STPG2: variants seen among roughly 807,000 people sequenced by gnomAD.
STPG2 encodes sperm-tail PG-rich repeat-containing protein 2.
Under a neutral mutation model 54.2 loss-of-function variants are expected in STPG2, and 56 were observed. The observed-to-expected ratio is 1.03, with a 90% CI of 0.83 to 1.29. The LOEUF (loss-of-function observed/expected upper bound fraction) is 1.29, where lower values mean the gene tolerates loss of function less well. Ranked by LOEUF, STPG2 falls within the 50% of genes most tolerant of loss-of-function variation. The pLI is 0.00. For synonymous variants in STPG2, 200 were observed against 181.8 expected, an observed-to-expected ratio of 1.10 and a Z score of -0.81; for missense variants, 596 against 544.9, an observed-to-expected ratio of 1.09 and a Z score of -0.93.
intron 4 of STPG2, among the ~76,000 whole-genome samples, chr4:97,466,659 C>A (rs1251677441): frequency 2.0e-5 from 3 of 151,764 alleles, no homozygotes; most frequent in African/African-American, 7.3e-5. Context: ...TGAGTTTCTT[C>A]CATCGTTTAT....
intron 5 of STPG2, among the ~76,000 whole-genome samples, chr4:98,061,638 C>A (rs1737663230): frequency 6.6e-6 from 1 of 151,950 alleles, no homozygotes; most frequent in Admixed American, 6.6e-5. Flanking sequence ...GAGCAAAGTA[C>A]ATGAACAGAC....
chr4:97,934,410 G>A (rs1247027070), intron 8 of STPG2, among the ~76,000 whole-genome samples: 1 of 152,148 alleles, frequency 6.6e-6, no homozygotes, highest in Non-Finnish European at 1.5e-5. Context: ...GAAAAGGAGT[G>A]GTGAGAGAGG....
At chr4:97,833,908 TG>T (rs1728552863) in intron 9 of STPG2, among the ~76,000 whole-genome samples, 1 of 152,096 alleles carries the variant, frequency 6.6e-6, no homozygotes, top group African/African-American at 2.4e-5. Context: ...TTTACACTGT[TG>T]GGAGTGTAAA....
At chr4:97,945,751 G>A (rs6819047) in intron 7 of STPG2, among the ~76,000 whole-genome samples, 59,293 of 151,738 alleles carry the variant, frequency 0.39, 11,706 homozygotes, top group Middle Eastern at 0.46. Context: ...GTTTTTGTTC[G>A]TTACTTTTTA....
At chr4:97,949,759 T>A (rs1487776263) in intron 7 of STPG2, among the ~76,000 whole-genome samples, 5 of 152,226 alleles carry the variant, frequency 3.3e-5, no homozygotes, top group Non-Finnish European at 7.3e-5. Context: ...CTGCTGTTAG[T>A]CTGAAAGGTT....
At chr4:98,100,446 A>C (rs568978525) in intron 5 of STPG2, among the ~76,000 whole-genome samples, 6 of 152,230 alleles carry the variant, frequency 3.9e-5, no homozygotes, top group Admixed American at 1.3e-4. Flanking sequence ...GGAAATCTGA[A>C]ATCTTGAGAA....
At chr4:97,724,294 A>T (rs924397210) in intron 9 of STPG2, among the ~76,000 whole-genome samples, 3 of 152,164 alleles carry the variant, frequency 2.0e-5, no homozygotes, top group African/African-American at 7.2e-5. Context: ...CTGGAATCTT[A>T]AGTGGGGTTA....
At chr4:98,115,174 T>C (rs1274032541) in intron 3 of STPG2, among the ~76,000 whole-genome samples, 1 of 151,980 alleles carries the variant, frequency 6.6e-6, no homozygotes, top group Non-Finnish European at 1.5e-5. Context: ...CTTTCCCCCA[T>C]GTCTTTCCAT....
intron 4 of STPG2, among the ~76,000 whole-genome samples, chr4:97,541,541 C>T (rs560225695): frequency 1.5e-3 from 222 of 152,288 alleles, no homozygotes; most frequent in African/African-American, 4.5e-3. Context: ...AATGGCCATA[C>T]TGCCCAAGGT....
chr4:97,717,089 T>G (rs893137753), intron 9 of STPG2, among the ~76,000 whole-genome samples: 6 of 152,126 alleles, frequency 3.9e-5, no homozygotes, highest in Non-Finnish European at 8.8e-5. Flanking sequence ...TTAGGTTTAA[T>G]GCTCTTCCAC....
At chr4:97,707,845 G>A (rs1425886590) in intron 10 of STPG2, among the ~76,000 whole-genome samples, 1 of 151,886 alleles carries the variant, frequency 6.6e-6, no homozygotes, top group South Asian at 2.1e-4. Context: ...AAATATAAAG[G>A]CATTAAATAA....
At chr4:97,964,761 C>T (rs1445899596) in intron 7 of STPG2, among the ~76,000 whole-genome samples, 1 of 152,142 alleles carries the variant, frequency 6.6e-6, no homozygotes, top group Non-Finnish European at 1.5e-5. Flanking sequence ...TCACACTATA[C>T]ATCTTAAAAC....
chr4:97,929,042 A>C (rs1732441111), intron 8 of STPG2, among the ~76,000 whole-genome samples: 1 of 151,968 alleles, frequency 6.6e-6, no homozygotes, highest in Non-Finnish European at 1.5e-5. Context: ...CCCACCCTCC[A>C]CCCTCAAGTA....
chr4:98,068,717 G>C (rs759902703), intron 5 of STPG2, among the ~76,000 whole-genome samples: 21 of 152,010 alleles, frequency 1.4e-4, no homozygotes, highest in Non-Finnish European at 2.6e-4. Flanking sequence ...AATGTGTCGT[G>C]AGGTGATTTC....
At chr4:98,128,986 G>A (rs562326251) in intron 2 of STPG2, among the ~76,000 whole-genome samples, 6 of 151,996 alleles carry the variant, frequency 3.9e-5, no homozygotes, top group Non-Finnish European at 8.8e-5. Flanking sequence ...TGCCAGCCTC[G>A]GCCTCCCAAA....
At chr4:97,558,788 A>G (rs2148872255), downstream of STPG2, 2 of 367,392 alleles carry the variant, frequency 5.4e-6, no homozygotes, top group Non-Finnish European at 9.8e-6. Context: ...CTATGAGATA[A>G]TAAATGTTAC....
At chr4:97,609,933 G>GTA (rs1196853975) in intron 10 of STPG2, among the ~76,000 whole-genome samples, 3 of 151,476 alleles carry the variant, frequency 2.0e-5, no homozygotes, top group African/African-American at 7.3e-5. Flanking sequence ...AAATGTATAT[G>GTA]TATATATATA....
intron 5 of STPG2, among the ~76,000 whole-genome samples, chr4:97,991,593 G>A (rs1344551571): frequency 6.6e-6 from 1 of 151,860 alleles, no homozygotes; most frequent in Admixed American, 6.6e-5. Context: ...TTCGTACAAT[G>A]ACTGATTTTC....
In STPG2 at chr4:98,076,708, A is replaced by G. The variant is rs1243522826; in HGVS notation, c.612+29245T>C. On this transcript the variant is annotated intron_variant, in intron 5 of 10. Coordinates refer to ENST00000295268, the MANE Select transcript of STPG2 (RefSeq NM_174952.3). ...GATGTAAGAGTCGCAAATGCCAGCA[A>G]TATCTCTAAAGGTCACTATAATTTT... Among the ~76,000 whole-genome samples the G allele has an allele frequency of 2.6e-5, 4 of 152,328 alleles. No individual in the cohort carries two copies. The Middle Eastern group carries it at 0.01, about 389-fold the overall frequency.
Sources: gnomAD v4.1 joint callset for allele counts (sites outside exome capture counted in the v4.1 genomes callset) on GRCh38, gnomAD v4.1.1 for gene constraint, MANE v1.5 for transcripts, NCBI Gene and HGNC (gene_info 2026-07-23, HGNC 2026-07-21) for gene names.